The following PCDHA12 variants were observed in gnomAD, a reference collection of about 807,000 sequenced individuals.
PCDHA12 encodes protocadherin alpha 12, also known as protocadherin alpha-12.
A neutral mutation model predicts 60.0 loss-of-function variants in PCDHA12; 44 were observed. The ratio of observed to expected loss-of-function variants is 0.73; its 90% CI spans 0.58 to 0.94. PCDHA12 has a LOEUF of 0.94. Ranked by LOEUF, PCDHA12 falls within the 40% of genes least tolerant of loss-of-function variation. The probability of loss-of-function intolerance (pLI) is 0.00; values close to 1 mark genes in which losing one functional copy is unlikely to be tolerated. For missense variants in PCDHA12, 1,276 were observed against 1,239.7 expected (o/e 1.03, Z -0.44); for synonymous variants, 569 against 553.0 (o/e 1.03, Z -0.40).
intron 1 of PCDHA12, among the ~76,000 whole-genome samples, chr5:140,888,729 T>G (rs1214867910): frequency 6.6e-6 from 1 of 152,156 alleles, no homozygotes; most frequent in Admixed American, 6.5e-5. Context: ...CAGCCCTTTG[T>G]GAGCTCTAGG....
Position 140,877,656 on chromosome 5 carries a change from C to G in PCDHA12, c.2184C>G (p.Thr728=), listed in dbSNP as rs782196097. The change falls in exon 1 of 4, where the codon ACC becomes ACG. Residue 728 remains threonine (T), a synonymous_variant. Transcript: ENST00000398631. ...YTALRCSAPP[T]VSRCAPGKPT... Reference sequence around the variant, plus strand: ...CGCTGCGTTGCTCAGCGCCGCCCACCGTGAGCCGGTGCGCGCCGGGCAAGC... The same window carrying G: ...CGCTGCGTTGCTCAGCGCCGCCCACGGTGAGCCGGTGCGCGCCGGGCAAGC... The G allele has an allele frequency of 3.7e-6, 6 of 1,613,560 alleles. No homozygotes were observed. The highest frequency in any genetic ancestry group is 5.1e-6 in the Non-Finnish European group (6 of 1,179,786).
intron 2 of PCDHA12, among the ~76,000 whole-genome samples, chr5:140,980,721 A>G (rs1219290542): frequency 3.9e-5 from 6 of 152,202 alleles, no homozygotes; most frequent in African/African-American, 1.2e-4. Flanking sequence ...TTCGGGTTTC[A>G]ATTAAGATAT....
intron 1 of PCDHA12, among the ~76,000 whole-genome samples, chr5:140,923,770 G>C (rs1554201580): frequency 6.6e-6 from 1 of 152,152 alleles, no homozygotes; most frequent in East Asian, 1.9e-4. Context: ...AATCCTACTG[G>C]GTGGATGGTT....
intron 3 of PCDHA12, among the ~76,000 whole-genome samples, chr5:141,007,567 CA>C (rs1489201842): frequency 6.6e-6 from 1 of 151,954 alleles, no homozygotes; most frequent in Non-Finnish European, 1.5e-5. Flanking sequence ...GGCTCTATCT[CA>C]AATTTAAAAA....
chr5:140,913,898 CTTTT>C (rs1351691139), intron 1 of PCDHA12, among the ~76,000 whole-genome samples: 2 of 152,020 alleles, frequency 1.3e-5, no homozygotes, highest in African/African-American at 4.8e-5. Flanking sequence ...CAAAATTCCC[CTTTT>C]TTATTTCTAA....
chr5:140,929,580 T>A (rs1035039235), intron 1 of PCDHA12: 13 of 442,122 alleles, frequency 2.9e-5, no homozygotes, highest in African/African-American at 1.0e-4. Context: ...AAAAGTAATA[T>A]GACATAAAGG....
At chr5:140,899,795 G>A (rs551068307) in intron 1 of PCDHA12, among the ~76,000 whole-genome samples, 59 of 152,222 alleles carry the variant, frequency 3.9e-4, no homozygotes, top group Non-Finnish European at 7.5e-4. Flanking sequence ...ATTCGGCTGT[G>A]AATCCAATAT....
chr5:140,997,107 C>T (rs1346636277), intron 3 of PCDHA12, among the ~76,000 whole-genome samples: 3 of 152,094 alleles, frequency 2.0e-5, no homozygotes, highest in African/African-American at 7.2e-5. Flanking sequence ...TCATGCACTC[C>T]TGCTCTCCCA....
intron 3 of PCDHA12, among the ~76,000 whole-genome samples, chr5:140,991,449 A>G (rs1405447405): frequency 6.6e-6 from 1 of 152,206 alleles, no homozygotes; most frequent in East Asian, 1.9e-4. Flanking sequence ...GCTTAAAACA[A>G]CACAATGTAT....
At chr5:140,943,624 G>C (rs2093534515) in intron 1 of PCDHA12, among the ~76,000 whole-genome samples, 2 of 152,106 alleles carry the variant, frequency 1.3e-5, no homozygotes, top group African/African-American at 4.8e-5. Context: ...ATCTGCATAA[G>C]GAAGCTGGAT....
chr5:140,967,925 C>T, intron 1 of PCDHA12: 1 of 1,614,224 alleles, frequency 6.2e-7, no homozygotes, highest in South Asian at 1.1e-5. Context: ...TGTGGCCGTT[C>T]TCAGTGTCAA....
chr5:140,969,348 G>A, intron 1 of PCDHA12: 5 of 1,613,304 alleles, frequency 3.1e-6, no homozygotes, highest in Non-Finnish European at 4.2e-6. Flanking sequence ...CAGTGGTCAG[G>A]GGGTCTTCTA....
chr5:140,932,562 G>A lies in PCDHA12; in HGVS notation c.2368-46387G>A, dbSNP rs566002035. The stretch of plus-strand genomic sequence containing the variant: ...TTATTTAACATACATTCCACAAGTA[G>A]ACTTTCCCATAGGGTAATTAGATGT... On this transcript the variant is annotated intron_variant, in intron 1 of 3. Coordinates refer to ENST00000398631, the MANE Select transcript of PCDHA12 (RefSeq NM_018903.4). Among the ~76,000 whole-genome samples the A allele has an allele frequency of 1.9e-4, 29 of 151,988 alleles. No individual in the cohort carries two copies. The South Asian group carries it at 6.0e-3, about 32-fold the overall frequency.
intron 1 of PCDHA12, among the ~76,000 whole-genome samples, chr5:140,898,226 G>T (rs2066602879): frequency 6.6e-6 from 1 of 152,262 alleles, no homozygotes; most frequent in African/African-American, 2.4e-5. Flanking sequence ...GGCTTTTGTT[G>T]CCATTGCTTT....
At chr5:140,890,767 T>A (rs1342716029) in intron 1 of PCDHA12, among the ~76,000 whole-genome samples, 3 of 152,210 alleles carry the variant, frequency 2.0e-5, no homozygotes, top group African/African-American at 7.2e-5. Context: ...AAAAATATTT[T>A]AAAACCCCAT....
At chr5:140,963,611 A>C (rs955529183) in intron 1 of PCDHA12, among the ~76,000 whole-genome samples, 1 of 152,208 alleles carries the variant, frequency 6.6e-6, no homozygotes, top group Admixed American at 6.5e-5. Context: ...TAATTGGGAA[A>C]GCTTAACTTT....
At chr5:140,924,901 A>AAAAAT (rs10667761) in intron 1 of PCDHA12, among the ~76,000 whole-genome samples, 10,380 of 79,870 alleles carry the variant, frequency 0.13, 426 homozygotes, top group East Asian at 0.37. Context: ...TCTCAAAAAA[A>AAAAAT]AAAATAAAAT....
chr5:140,885,873 T>A (rs1365119411), intron 1 of PCDHA12, among the ~76,000 whole-genome samples: 3 of 152,154 alleles, frequency 2.0e-5, no homozygotes, highest in Admixed American at 6.5e-5. Flanking sequence ...TGAAAAAAAA[T>A]TTTTAGTTTC....
intron 1 of PCDHA12, among the ~76,000 whole-genome samples, chr5:140,900,088 G>C (rs545975836): frequency 6.6e-6 from 1 of 152,240 alleles, no homozygotes; most frequent in African/African-American, 2.4e-5. Context: ...GCAGTTACAA[G>C]CATGCGCCAC....
Sources: gnomAD v4.1 joint callset for allele counts (sites outside exome capture counted in the v4.1 genomes callset) on GRCh38, gnomAD v4.1.1 for gene constraint, MANE v1.5 for transcripts, NCBI Gene and HGNC (gene_info 2026-07-23, HGNC 2026-07-21) for gene names.